Variants in MRPS6 observed in about 807,000 individuals in gnomAD.
MRPS6 encodes the protein mitochondrial ribosomal protein S6, also known as small ribosomal subunit protein bS6m.
Under a neutral mutation model 13.1 loss-of-function variants are expected in MRPS6, and 6 were observed. The ratio of observed to expected loss-of-function variants is 0.46; its 90% confidence interval spans 0.25 to 0.91. The LOEUF (loss-of-function observed/expected upper bound fraction) is 0.91. Among genes scored for constraint, MRPS6 ranks in the 40% least tolerant of loss-of-function variants. The pLI, the probability that MRPS6 is intolerant of heterozygous loss-of-function variation, is 0.18. For missense variants in MRPS6, 164 were observed against 155.6 expected (o/e 1.05, Z -0.29); for synonymous variants, 61 against 56.5 (o/e 1.08, Z -0.36).
chr21:34,134,913 TGTTAG>T (rs1980634167), intron 2 of MRPS6, among the ~76,000 whole-genome samples: 4 of 152,224 alleles, frequency 2.6e-5, no homozygotes, highest in South Asian at 2.1e-4. Flanking sequence ...GGCTAAGTGA[TGTTAG>T]GTTAGGTGGT....
chr21:34,135,963 C>G lies in MRPS6; in HGVS notation c.186-6445C>G, dbSNP rs1213533783. ...AATCCTGCAGGGAAATGTCACTGATCTGCATATCATCATTTGTGCTGCATC... is the reference window on the plus strand; with the variant it reads ...AATCCTGCAGGGAAATGTCACTGATGTGCATATCATCATTTGTGCTGCATC... On this transcript the variant is annotated intron_variant, in intron 2 of 2. Transcript: ENST00000399312. The G allele has an allele frequency of 1.6e-5, 6 of 380,864 alleles. No homozygotes were observed. The Admixed American group carries it at 2.2e-4, about 14-fold the overall frequency. The allele number at this position is 380,864 out of a possible 1,614,324, so 23.6% of individuals were successfully genotyped here. A position where few individuals can be genotyped will look rare whatever the true frequency, so the allele number is the denominator to read the frequency against.
At chr21:34,100,202 A>C in intron 1 of MRPS6, 1 of 1,000,284 alleles carries the variant, frequency 1.0e-6, no homozygotes, top group Non-Finnish European at 1.2e-6. Context: ...ATGTCTTACC[A>C]GGTGTTAATG....
intron 2 of MRPS6, chr21:34,135,356 T>TC (rs1980655602): frequency 6.1e-6 from 1 of 165,244 alleles, no homozygotes; most frequent in African/African-American, 2.5e-5. Flanking sequence ...GTTTTTTTTT[T>TC]TTTTTTTTTT....
At position 34,137,455 on chromosome 21, in the gene MRPS6, A is replaced by G. The variant is rs542583312; in HGVS notation, c.186-4953A>G. Among the ~76,000 whole-genome samples, 9 of 152,284 alleles carry G rather than the reference A, an allele frequency of 5.9e-5. No individual in the cohort carries two copies. The East Asian group carries it at 9.6e-4, about 16-fold the overall frequency. On this transcript the variant is annotated intron_variant, in intron 2 of 2. Coordinates refer to ENST00000399312, the MANE Select transcript of MRPS6 (RefSeq NM_032476.4). ...ATATAGAAATAACATTGATTTTTGT[A>G]TCTTGCAATCCTGCTAAACTCATTA...
At chr21:34,077,714 T>C (rs573815647) in intron 1 of MRPS6, among the ~76,000 whole-genome samples, 5 of 152,222 alleles carry the variant, frequency 3.3e-5, no homozygotes, top group Admixed American at 6.5e-5. Flanking sequence ...GATAACTCAT[T>C]GAAATAGTAC....
chr21:34,118,628 C>A (rs1451519785), intron 1 of MRPS6, among the ~76,000 whole-genome samples: 1 of 148,358 alleles, frequency 6.7e-6, no homozygotes, highest in African/African-American at 2.6e-5. Flanking sequence ...AATTTTTGAG[C>A]CTCAGCCACC....
intron 1 of MRPS6, chr21:34,106,278 A>G (rs1232000560): frequency 3.3e-6 from 2 of 598,098 alleles, no homozygotes; most frequent in African/African-American, 4.0e-5. Flanking sequence ...GTGACTAAGT[A>G]TTTTCAGTAT....
At chr21:34,117,497 A>T (rs1156645390) in intron 1 of MRPS6, among the ~76,000 whole-genome samples, 1 of 152,170 alleles carries the variant, frequency 6.6e-6, no homozygotes, top group Non-Finnish European at 1.5e-5. Context: ...TTAGTAACTT[A>T]CAAGTGTCTG....
At chr21:34,129,286 A>G (rs117626152) in intron 2 of MRPS6, among the ~76,000 whole-genome samples, 2,777 of 152,048 alleles carry the variant, frequency 0.018, 34 homozygotes, top group Non-Finnish European at 0.03. Flanking sequence ...TTTCCACTAG[A>G]TGGGGCTGAG....
chr21:34,106,927 CT>C (rs879395530), intron 1 of MRPS6, among the ~76,000 whole-genome samples: 65 of 146,056 alleles, frequency 4.5e-4, no homozygotes, highest in East Asian at 7.9e-4. Context: ...ACGGTATTGA[CT>C]TTTTTTTTTT....
At chr21:34,088,044 A>G (rs1465369581) in intron 1 of MRPS6, among the ~76,000 whole-genome samples, 1 of 152,212 alleles carries the variant, frequency 6.6e-6, no homozygotes, top group Non-Finnish European at 1.5e-5. Flanking sequence ...CAAATTATTC[A>G]TACCCCGGAA....
intron 1 of MRPS6, among the ~76,000 whole-genome samples, chr21:34,120,070 G>A (rs16991249): frequency 0.011 from 1,749 of 152,306 alleles, 38 homozygotes; most frequent in South Asian, 0.08. Context: ...CAGCTGGTAC[G>A]TTAGCATGAA....
At chr21:34,088,614 C>G (rs143079886) in intron 1 of MRPS6, among the ~76,000 whole-genome samples, 47 of 152,292 alleles carry the variant, frequency 3.1e-4, no homozygotes, top group African/African-American at 1.1e-3. Flanking sequence ...TCAGTAATGT[C>G]CTTTTCACTG....
rs576036617 is a variant in MRPS6 at position 34,110,491 on chromosome 21, GA to G, written c.46-14840del. Among the ~76,000 whole-genome samples, 136 of 141,012 alleles carry G rather than the reference GA, an allele frequency of 9.6e-4. 1 individual carries two copies. The highest frequency in any genetic ancestry group is 3.4e-3 in the African/African-American group (131 of 38,230). The allele number at this position is 141,012 out of a possible 152,430, so 92.5% of individuals were successfully genotyped here. A position where few individuals can be genotyped will look rare whatever the true frequency, so the allele number is the denominator to read the frequency against. On this transcript the variant is annotated intron_variant, in intron 1 of 2. Transcript: ENST00000399312. The stretch of plus-strand genomic sequence containing the variant: ...GAGTGAGATCCTGTCTCATTAAAAA[GA>G]AAAAAAAAAGGCTGTATAGGTGATT...
rs553896005 is a variant in MRPS6, at chr21:34,117,010, T to C, written c.46-8331T>C. The stretch of plus-strand genomic sequence containing the variant: ...GAAGGTTTAGGTCCTTTCCCTGTAG[T>C]TTTTCCCACCACTCTGACTGATTCC... On this transcript the variant is annotated intron_variant, in intron 1 of 2. Coordinates refer to ENST00000399312, the MANE Select transcript of MRPS6 (RefSeq NM_032476.4). Among the ~76,000 whole-genome samples, 20 of 152,224 alleles carry C rather than the reference T, an allele frequency of 1.3e-4. No individual in the cohort carries two copies. The South Asian group carries it at 4.1e-3, about 32-fold the overall frequency.
intron 1 of MRPS6, chr21:34,100,674 G>A: frequency 1.0e-6 from 1 of 1,000,130 alleles, no homozygotes; most frequent in South Asian, 4.7e-5. Context: ...GAGTTGAGGG[G>A]GTTGTTATGC....
intron 1 of MRPS6, among the ~76,000 whole-genome samples, chr21:34,107,697 A>G (rs185858414): frequency 3.3e-5 from 5 of 152,202 alleles, no homozygotes; most frequent in African/African-American, 9.6e-5. Context: ...GAACTCCTGG[A>G]TTACTTTGTT....
chr21:34,098,201 A>G (rs1979061101), intron 1 of MRPS6: 1 of 999,626 alleles, frequency 1.0e-6, no homozygotes, highest in African/African-American at 1.7e-5. Flanking sequence ...GCAGTGTTTG[A>G]TTAACTTATG....
intron 1 of MRPS6, among the ~76,000 whole-genome samples, chr21:34,088,699 CACAG>C (rs1440699887): frequency 1.3e-5 from 2 of 152,170 alleles, no homozygotes; most frequent in Non-Finnish European, 2.9e-5. Context: ...CTGGCTGTAA[CACAG>C]ACAGCTGTGG....
Sources: allele counts gnomAD v4.1 joint callset (sites outside exome capture counted in the v4.1 genomes callset), GRCh38; gene constraint gnomAD v4.1.1; transcripts MANE v1.5; gene names NCBI Gene and HGNC (gene_info 2026-07-23, HGNC 2026-07-21).